Variants in RPAP1 observed in about 807,000 individuals in gnomAD.
The protein encoded by RPAP1 is RNA polymerase II-associated protein 1.
In RPAP1, 109 loss-of-function variants were observed where a neutral mutation model predicts 142.4. That is an observed-to-expected ratio of 0.77 (90% CI 0.66 to 0.90). The LOEUF (loss-of-function observed/expected upper bound fraction) is 0.90, where lower values mean the gene tolerates loss of function less well. Ranked by LOEUF, RPAP1 falls within the 40% of genes least tolerant of loss-of-function variation. The probability of loss-of-function intolerance (pLI) is 0.00; values close to 1 mark genes in which losing one functional copy is unlikely to be tolerated. For missense variants in RPAP1, 1,546 were observed against 1,751.7 expected, an observed-to-expected ratio of 0.88 and a Z score of 2.10; for synonymous variants, 704 against 738.9, an observed-to-expected ratio of 0.95 and a Z score of 0.77.
Position 41,531,039 on chromosome 15 carries a change from C to T in RPAP1, c.927G>A (p.Leu309=), listed in dbSNP as rs2051841455. ...CCTGCAAACCTGGGGCTTCTGGCTC[C>T]AGCTTGTCTCTCTTCCTGGGCTCAC... ...FASEPRKRDK[L]EPEAPALALP... is the part of the protein sequence containing the mutation. The change falls in exon 7 of 25, where the codon CTG becomes CTA. Residue 309 remains leucine (L), a synonymous_variant. Transcript: ENST00000304330. The T allele has an allele frequency of 6.2e-7, 1 of 1,611,946 alleles. No homozygotes were observed. The highest frequency in any genetic ancestry group is 1.1e-5 in the South Asian group (1 of 91,000).
chr15:41,526,688 A>G (rs2051793604), intron 14 of RPAP1, among the ~76,000 whole-genome samples: 1 of 152,210 alleles, frequency 6.6e-6, no homozygotes, highest in South Asian at 2.1e-4. Flanking sequence ...TCATGAGACC[A>G]CAGTATACCT....
At chr15:41,539,915 C>G (rs2051954220) in intron 1 of RPAP1, among the ~76,000 whole-genome samples, 1 of 151,996 alleles carries the variant, frequency 6.6e-6, no homozygotes, top group Non-Finnish European at 1.5e-5. Flanking sequence ...TGCCTGTAAT[C>G]CTAGCTACTC....
At chr15:41,537,438 C>T (rs1349537088) in intron 1 of RPAP1, among the ~76,000 whole-genome samples, 1 of 152,072 alleles carries the variant, frequency 6.6e-6, no homozygotes, top group Non-Finnish European at 1.5e-5. Flanking sequence ...GAACAACCAG[C>T]AGGAGACCTG....
chr15:41,529,320 G>C (rs1429195976), intron 9 of RPAP1, 150 bp downstream of exon 9: 10 of 609,650 alleles, frequency 1.6e-5, no homozygotes, highest in Non-Finnish European at 2.6e-5. Flanking sequence ...GGGCCAGAGC[G>C]AGATTCTGTC....
Position 41,535,669 on chromosome 15 carries a change from C to T in RPAP1, c.421-37G>A, listed in dbSNP as rs760241015. On this transcript the variant is annotated intron_variant, in intron 4 of 24. Transcript: ENST00000304330. ...AAAGAAAACCCAGGTTACTGATGCT[C>T]ATCATCCCACTTTCCTCTCAACCTC... 25 of 1,600,722 alleles carry T rather than the reference C, an allele frequency of 1.6e-5. No individual in the cohort carries two copies. In the South Asian group the frequency reaches 2.1e-4, roughly 14 times the overall value.
Position 41,544,228 on chromosome 15 carries a change from G to A in RPAP1, c.-86C>T, listed in dbSNP as rs920728026. On this transcript the variant is annotated 5_prime_UTR_variant, in exon 1 of 25. Coordinates refer to ENST00000304330, the MANE Select transcript of RPAP1 (RefSeq NM_015540.4). ...CAGCCCCGCCACCTACGTGCTCCAG[G>A]CCTGTCTGGGCGCCGCCATCTTGCC... 2 of 152,170 alleles carry A rather than the reference G, an allele frequency of 1.3e-5. No individual in the cohort carries two copies. Among genetic ancestry groups the A allele is most frequent in the African/African-American group, 2.4e-5 (1 of 41,350 alleles). The allele number at this position is 152,170 out of a possible 1,614,324, so 9.4% of individuals were successfully genotyped here.
At chr15:41,525,173 T>C in intron 14 of RPAP1, 25 bp from the exon 15 acceptor site, 1 of 1,580,986 alleles carries the variant, frequency 6.3e-7, no homozygotes, top group Non-Finnish European at 8.6e-7. Flanking sequence ...AGTCTGAGGA[T>C]CAGGGTCAGC....
Position 41,531,201 on chromosome 15 carries a change from G to A in RPAP1, c.765C>T (p.Asp255=), listed in dbSNP as rs1193872458. The change falls in exon 7 of 25, where the codon GAC becomes GAT. Residue 255 remains aspartate, a splice_region_variant and synonymous_variant. Coordinates refer to ENST00000304330, the MANE Select transcript of RPAP1 (RefSeq NM_015540.4). The part of the protein sequence containing the change: ...QEQQRLLAQL[D]PSLVAFLRSH... Reference sequence around the variant, plus strand: ...ATCTCAAGAAAGCAACCAAGCTGGGGTCTAGAGGCGAAGGTAGAGGGGAGA... The same window carrying A: ...ATCTCAAGAAAGCAACCAAGCTGGGATCTAGAGGCGAAGGTAGAGGGGAGA... The A allele has an allele frequency of 1.2e-6, 2 of 1,608,828 alleles. No individual in the cohort carries two copies. Among genetic ancestry groups the A allele is most frequent in the Non-Finnish European group, 1.7e-6 (2 of 1,175,730 alleles).
At chr15:41,536,445 C>G in intron 3 of RPAP1, 56 bp downstream of exon 3, 1 of 1,599,704 alleles carries the variant, frequency 6.3e-7, no homozygotes, top group East Asian at 2.2e-5. Flanking sequence ...CCCCGAGCAT[C>G]CAATATCCCT....
rs375289260 is a variant in RPAP1 at position 41,522,896 on chromosome 15, C to G, written c.2611G>C (p.Val871Leu). The change falls in exon 19 of 25, where the codon GTG becomes CTG. Residue 871 changes from valine to leucine, a missense_variant. Coordinates refer to ENST00000304330, the MANE Select transcript of RPAP1 (RefSeq NM_015540.4). ...CAGCCTCCCGAGCAGCCCAGTGACA[C>G]GAGGCTGGGGGGAGCTTCAAGGGCT... ...VPALEAPPSL[V>L]SLGCSGGCPR... is the part of the protein sequence containing the mutation. 6.4e-7 allele frequency: 1 copy of G among 1,574,052 alleles called. No homozygotes were observed. Among genetic ancestry groups the G allele is most frequent in the East Asian group, 2.3e-5 (1 of 43,120 alleles).
intron 6 of RPAP1, among the ~76,000 whole-genome samples, chr15:41,531,617 ATATATATATATTTTTTTTT>A (rs1255257367): frequency 2.4e-3 from 225 of 94,694 alleles, no homozygotes; most frequent in African/African-American, 9.3e-3. Context: ...ATATATATAT[ATATATATATATTTTTTTTT>A]TTTTTTTTTT....
chr15:41,518,784 A>G (rs1002144972), intron 22 of RPAP1, among the ~76,000 whole-genome samples: 12 of 152,162 alleles, frequency 7.9e-5, no homozygotes, highest in African/African-American at 2.9e-4. Flanking sequence ...TAGAGGTTGC[A>G]GTGAACCAAG....
intron 20 of RPAP1, 23 bp from the exon 21 acceptor site, chr15:41,521,903 C>A (rs1386243125): frequency 1.2e-6 from 2 of 1,609,686 alleles, no homozygotes; most frequent in Non-Finnish European, 1.7e-6. Flanking sequence ...AAGCAGGGAA[C>A]TACCTAGTAC....
Position 41,524,122 on chromosome 15 carries a change from G to A in RPAP1, c.2208C>T (p.Ala736=), listed in dbSNP as rs146202371. ...TGATGGTTTCAGCAGGGGTACTGCC[G>A]GCTGCCAGGGTTAGCTGGGTGAGGA... is the stretch of plus-strand genomic sequence containing the variant. The part of the protein sequence containing the change: ...LTLLTQLTLA[A]GSTPAETISD... The change falls in exon 16 of 25, where the codon GCC becomes GCT. Residue 736 remains alanine (A), a synonymous_variant. Transcript: ENST00000304330. 160 of 1,591,574 alleles carry A rather than the reference G, an allele frequency of 1.0e-4. No individual in the cohort carries two copies. In the African/African-American group the frequency reaches 1.5e-3, roughly 15 times the overall value.
At position 41,529,487 on chromosome 15, in the gene RPAP1, G is replaced by C; in HGVS notation, c.1141C>G (p.His381Asp). 1 of 1,612,610 alleles carries C rather than the reference G, an allele frequency of 6.2e-7. No homozygotes were observed. The highest frequency in any genetic ancestry group is 8.5e-7 in the Non-Finnish European group (1 of 1,179,062). Residue 381 changes from histidine (H) to aspartate (D), a missense_variant, in exon 9 of 25, where the codon CAT (histidine) becomes GAT (aspartate). Coordinates refer to ENST00000304330, the MANE Select transcript of RPAP1 (RefSeq NM_015540.4). ...TGCCTCACCTCTGCCTCCTCTCCAT[G>C]GTGGTGCAGACCCAGGTGGGTGGGC... ...DLPTHLGLHH[H>D]GEEAERAGYS...
chr15:41,523,678 G>A, intron 17 of RPAP1, 93 bp downstream of exon 17: 1 of 1,057,586 alleles, frequency 9.5e-7, no homozygotes, highest in South Asian at 1.4e-5. Flanking sequence ...GGAAGTAGGA[G>A]TGGAGAGATG....
At position 41,521,097 on chromosome 15, in the gene RPAP1, G is replaced by A. The variant is rs769819778; in HGVS notation, c.3089C>T (p.Ser1030Leu). 46 of 1,522,964 alleles carry A rather than the reference G, an allele frequency of 3.0e-5. No individual in the cohort carries two copies. In the Admixed American group the frequency reaches 6.8e-4, roughly 22 times the overall value. 94.3% of individuals were successfully genotyped at this position (1,522,964 alleles called of 1,614,324 possible). The change falls in exon 22 of 25, where the codon TCG (serine) becomes TTG (leucine). Residue 1030 changes from serine to leucine, a missense_variant. Physicochemically the swap from Ser to Leu is moderately radical, Grantham distance 145. Transcript: ENST00000304330. ...CCGAGGGACCCTGCTGCTTCCTAAC[G>A]ACAGCTGGTCAGAGAAGTCGGCTGC... ...PEAADFSDQLSLGSSRVPRCG... is the reference protein window; with the variant it reads ...PEAADFSDQLLLGSSRVPRCG...
chr15:41,531,931 C>A (rs1425396008), intron 6 of RPAP1, among the ~76,000 whole-genome samples: 2 of 151,940 alleles, frequency 1.3e-5, no homozygotes, highest in Non-Finnish European at 2.9e-5. Context: ...TCGTAGCTCA[C>A]CACAGCCTCA....
At position 41,523,960 on chromosome 15, in the gene RPAP1, C is replaced by T; in HGVS notation, c.2247G>A (p.Glu749=). The T allele has an allele frequency of 6.2e-7, 1 of 1,613,066 alleles. No homozygotes were observed. The highest frequency in any genetic ancestry group is 8.5e-7 in the Non-Finnish European group (1 of 1,179,572). Residue 749 remains glutamate (E), a synonymous_variant, in exon 17 of 25, where the codon GAG becomes GAA. Transcript: ENST00000304330. ...AGGAAGGGGTGGCCGAGAGGCTGGC[C>T]TCAGCAGAATCACTACAAAAGTGCC... The part of the protein sequence containing the change: ...TPAETISDSA[E]ASLSATPSLV...
Sources: allele counts gnomAD v4.1 joint callset (sites outside exome capture counted in the v4.1 genomes callset), GRCh38; gene constraint gnomAD v4.1.1; transcripts MANE v1.5; gene names NCBI Gene and HGNC (gene_info 2026-07-23, HGNC 2026-07-21).